Variants in SORCS3 observed in about 807,000 individuals in gnomAD.
SORCS3 encodes the protein VPS10 domain-containing receptor SorCS3.
SORCS3 carries 57 observed loss-of-function variants against 146.3 expected under a neutral mutation model. That is an observed-to-expected ratio of 0.39 (90% CI 0.31 to 0.49). The LOEUF is 0.49. Ranked by LOEUF, SORCS3 falls within the 20% of genes least tolerant of loss-of-function variation. SORCS3 has a pLI of 0.92. For synonymous variants in SORCS3, 653 were observed against 618.5 expected (o/e 1.06, Z -0.83); for missense variants, 1,341 against 1,575.5 (o/e 0.85, Z 2.52).
intron 6 of SORCS3, among the ~76,000 whole-genome samples, chr10:105,099,670 G>A (rs1287000772): frequency 6.6e-5 from 10 of 152,158 alleles, no homozygotes; most frequent in Admixed American, 6.5e-4. Context: ...GAAATTTGTT[G>A]ATGTAGATGA....
intron 1 of SORCS3, among the ~76,000 whole-genome samples, chr10:104,783,731 A>G (rs1030026036): frequency 5.3e-5 from 8 of 151,952 alleles, no homozygotes; most frequent in Admixed American, 3.9e-4. Flanking sequence ...CGTCTCAAAA[A>G]AGAGAGAGAG....
At chr10:104,820,449 TTTTA>T (rs2017860380) in intron 1 of SORCS3, among the ~76,000 whole-genome samples, 2 of 152,182 alleles carry the variant, frequency 1.3e-5, no homozygotes, top group African/African-American at 4.8e-5. Flanking sequence ...TCAAGTAGGG[TTTTA>T]TTTATTTATG....
At chr10:105,068,041 A>G (rs542196667) in intron 5 of SORCS3, among the ~76,000 whole-genome samples, 67 of 152,084 alleles carry the variant, frequency 4.4e-4, no homozygotes, top group Non-Finnish European at 8.5e-4. Context: ...TCTCTCCAGA[A>G]TTTCAGACAC....
intron 1 of SORCS3, among the ~76,000 whole-genome samples, chr10:104,822,343 A>G (rs974142553): frequency 1.3e-5 from 2 of 152,190 alleles, no homozygotes; most frequent in Non-Finnish European, 2.9e-5. Context: ...TATGTGAGGA[A>G]CTTACTTTTA....
chr10:104,762,455 CCTGGAA>C (rs954206690), intron 1 of SORCS3, among the ~76,000 whole-genome samples: 13 of 152,294 alleles, frequency 8.5e-5, no homozygotes, highest in Admixed American at 8.5e-4. Context: ...CGTGGAGGGC[CCTGGAA>C]CTGTCTTTGC....
chr10:105,102,459 A>G (rs1589633589), intron 6 of SORCS3, among the ~76,000 whole-genome samples: 2 of 152,220 alleles, frequency 1.3e-5, no homozygotes, highest in African/African-American at 4.8e-5. Context: ...GTTCTCATTT[A>G]TAAGTGGGAG....
chr10:105,024,209 C>T (rs1266081505), intron 4 of SORCS3, among the ~76,000 whole-genome samples: 1 of 152,192 alleles, frequency 6.6e-6, no homozygotes, highest in Admixed American at 6.5e-5. Flanking sequence ...TTCAATAACA[C>T]AAAAGTAAAC....
At chr10:104,926,794 A>G (rs376599452) in intron 3 of SORCS3, among the ~76,000 whole-genome samples, 1 of 152,252 alleles carries the variant, frequency 6.6e-6, no homozygotes, top group Non-Finnish European at 1.5e-5. Context: ...CTTTGTATAA[A>G]TTACTGCAGT....
chr10:105,027,225 C>T (rs979191079), intron 4 of SORCS3, among the ~76,000 whole-genome samples: 1 of 152,172 alleles, frequency 6.6e-6, no homozygotes, highest in Admixed American at 6.5e-5. Context: ...CTTCAGGTTT[C>T]TGCTCAAATG....
In SORCS3 at chr10:105,201,185, C is replaced by T; in HGVS notation, c.2193C>T (p.Ala731=). Residue 731 remains alanine (A), a synonymous_variant, in exon 16 of 27, where the codon GCC becomes GCT. Coordinates refer to ENST00000369701, the MANE Select transcript of SORCS3 (RefSeq NM_014978.3). ...AACGTAAGCCAGGAGCTCAGTGTGC[C>T]CTGGGCCGAGACCACTCAGGATCAG... ...FKKRKPGAQC[A]LGRDHSGSVV... is the part of the protein sequence containing the mutation. The T allele has an allele frequency of 3.1e-6, 5 of 1,612,270 alleles. No homozygotes were observed. Among genetic ancestry groups the T allele is most frequent in the Non-Finnish European group, 4.2e-6 (5 of 1,179,140 alleles).
intron 14 of SORCS3, among the ~76,000 whole-genome samples, chr10:105,184,421 A>G (rs2056462476): frequency 6.6e-6 from 1 of 152,198 alleles, no homozygotes. Context: ...CGTCCAAACC[A>G]TAGAGCTGGC....
intron 3 of SORCS3, among the ~76,000 whole-genome samples, chr10:104,961,244 G>A (rs2054793539): frequency 6.6e-6 from 1 of 152,134 alleles, no homozygotes; most frequent in African/African-American, 2.4e-5. Context: ...TAACTCGTTA[G>A]ATATTTCTGA....
At chr10:104,692,530 A>C (rs2016126395) in intron 1 of SORCS3, among the ~76,000 whole-genome samples, 2 of 152,166 alleles carry the variant, frequency 1.3e-5, no homozygotes, top group South Asian at 4.1e-4. Flanking sequence ...CTGCACTGGG[A>C]TGGGCATACA....
At chr10:104,817,693 TTTTTCCCTCTTA>T (rs1438926093) in intron 1 of SORCS3, among the ~76,000 whole-genome samples, 1 of 95,478 alleles carries the variant, frequency 1.0e-5, no homozygotes, top group Non-Finnish European at 2.1e-5. Context: ...TCTTTTCCCT[TTTTTCCCTCTTA>T]TTTTCCCTCC....
chr10:104,853,751 TG>T (rs1194804032), intron 2 of SORCS3, among the ~76,000 whole-genome samples: 1 of 152,226 alleles, frequency 6.6e-6, no homozygotes, highest in Non-Finnish European at 1.5e-5. Context: ...CACATGGTTC[TG>T]GGAATACCAG....
At chr10:104,970,601 CTAAGAG>C (rs1240061883) in intron 3 of SORCS3, among the ~76,000 whole-genome samples, 1 of 152,100 alleles carries the variant, frequency 6.6e-6, no homozygotes, top group African/African-American at 2.4e-5. Flanking sequence ...TATGATTACT[CTAAGAG>C]TATTTCCCTG....
intron 1 of SORCS3, among the ~76,000 whole-genome samples, chr10:104,794,659 G>GA (rs1218494837): frequency 6.8e-5 from 10 of 146,394 alleles, no homozygotes; most frequent in African/African-American, 1.3e-4. Context: ...GAGAGAGAGA[G>GA]AATATTATCC....
At chr10:105,018,392 T>C (rs2055180492) in intron 4 of SORCS3, among the ~76,000 whole-genome samples, 1 of 152,240 alleles carries the variant, frequency 6.6e-6, no homozygotes, top group East Asian at 1.9e-4. Flanking sequence ...TGCAGTTGGA[T>C]TGGACCTGGA....
intron 20 of SORCS3, among the ~76,000 whole-genome samples, chr10:105,237,059 C>T (rs975514608): frequency 2.9e-4 from 44 of 151,948 alleles, no homozygotes; most frequent in South Asian, 2.1e-4. Flanking sequence ...GAGGTATTTC[C>T]TTGGTTAGGA....
Sources: gnomAD v4.1 joint callset for allele counts (sites outside exome capture counted in the v4.1 genomes callset) on GRCh38, gnomAD v4.1.1 for gene constraint, MANE v1.5 for transcripts, NCBI Gene and HGNC (gene_info 2026-07-23, HGNC 2026-07-21) for gene names.